The following SLC44A1 variants were observed in gnomAD, a reference collection of about 807,000 sequenced individuals.
SLC44A1 encodes choline transporter-like protein 1.
In SLC44A1, 26 loss-of-function variants were observed where a neutral mutation model predicts 79.3. The observed-to-expected ratio is 0.33, with a 90% confidence interval of 0.24 to 0.46. SLC44A1 has a LOEUF of 0.46. SLC44A1 is among the 20% of genes least tolerant of loss of function. The pLI is 1.00. For missense variants in SLC44A1, 688 were observed against 798.1 expected, an observed-to-expected ratio of 0.86 and a Z score of 1.66; for synonymous variants, 263 against 286.2, an observed-to-expected ratio of 0.92 and a Z score of 0.82.
At position 105,353,627 on chromosome 9, in the gene SLC44A1, T is replaced by C. The variant is rs116566405; in HGVS notation, c.501-2585T>C. ...CAGGCAGGGTGCAAGGTTAGAAGAA[T>C]TGGGGCTTTTATAGTTGCCTAGCAG... On this transcript the variant is annotated intron_variant, in intron 5 of 15. Transcript: ENST00000374720. 1.8e-3 allele frequency among the ~76,000 whole-genome samples: 269 copies of C among 152,174 alleles called. 2 individuals are homozygous for C. Among genetic ancestry groups the C allele is most frequent in the African/African-American group, 6.1e-3 (253 of 41,530 alleles).
chr9:105,301,724 A>G (rs1830885691), intron 2 of SLC44A1, among the ~76,000 whole-genome samples: 1 of 152,180 alleles, frequency 6.6e-6, no homozygotes, highest in African/African-American at 2.4e-5. Context: ...TCCCCTGCTT[A>G]TAGACAAAGT....
At chr9:105,415,896 A>ATTT (rs10592448) in intron 15 of SLC44A1, among the ~76,000 whole-genome samples, 33 of 117,938 alleles carry the variant, frequency 2.8e-4, no homozygotes, top group African/African-American at 4.3e-4. Context: ...GATTGACTGA[A>ATTT]TTTTTTTTTT....
At chr9:105,311,007 G>A (rs961731750) in intron 3 of SLC44A1, among the ~76,000 whole-genome samples, 1 of 152,158 alleles carries the variant, frequency 6.6e-6, no homozygotes, top group Non-Finnish European at 1.5e-5. Flanking sequence ...CTGGTGGGCT[G>A]TAGAATATCC....
chr9:105,338,438 A>C (rs1186020741), intron 4 of SLC44A1, among the ~76,000 whole-genome samples: 1 of 152,074 alleles, frequency 6.6e-6, no homozygotes, highest in Non-Finnish European at 1.5e-5. Context: ...CTTAAGAGAC[A>C]GGCTGAAGTG....
At position 105,351,634 on chromosome 9, in the gene SLC44A1, GAAAGAA is replaced by G. The variant is rs1327824364; in HGVS notation, c.500+3185_500+3190del. The stretch of plus-strand genomic sequence containing the variant: ...AGAAAGAAAGAAAGAGAGAGAAAGA[GAAAGAA>G]AGAAAGAAAGAAAGAAAGAAAGAAA... On this transcript the variant is annotated intron_variant, in intron 5 of 15. Coordinates refer to ENST00000374720, the MANE Select transcript of SLC44A1 (RefSeq NM_080546.5). Among the ~76,000 whole-genome samples, 26 of 133,260 alleles carry G rather than the reference GAAAGAA, an allele frequency of 2.0e-4. 2 individuals carry two copies. The highest frequency in any genetic ancestry group is 4.4e-4 in the Admixed American group (6 of 13,708). 87.4% of individuals were successfully genotyped at this position (133,260 alleles called of 152,430 possible).
intron 15 of SLC44A1, among the ~76,000 whole-genome samples, chr9:105,408,120 C>T (rs1448621173): frequency 2.0e-5 from 3 of 152,124 alleles, no homozygotes; most frequent in Non-Finnish European, 4.4e-5. Context: ...CGCCACTGCA[C>T]TCCAGCCTGG....
intron 9 of SLC44A1, 57 bp from the exon 10 acceptor site, chr9:105,364,498 G>GT (rs1324829652): frequency 5.3e-6 from 8 of 1,504,780 alleles, no homozygotes; most frequent in Non-Finnish European, 6.3e-6. Context: ...CTTAACTGCC[G>GT]TATTTCTGGA....
At chr9:105,409,445 G>A (rs1275139543) in intron 15 of SLC44A1, among the ~76,000 whole-genome samples, 1 of 152,200 alleles carries the variant, frequency 6.6e-6, no homozygotes, top group Non-Finnish European at 1.5e-5. Flanking sequence ...AACACTTTGG[G>A]AGGCCAAAAT....
chr9:105,279,465 A>G (rs1014438056), intron 1 of SLC44A1, among the ~76,000 whole-genome samples: 11 of 151,878 alleles, frequency 7.2e-5, no homozygotes, highest in African/African-American at 2.7e-4. Context: ...CTACAGCTGC[A>G]CACCACCATG....
rs181209067 is a variant in SLC44A1 at position 105,397,109 on chromosome 9, C to G, written c.*8053C>G. 2 of 985,216 alleles carry G rather than the reference C, an allele frequency of 2.0e-6. No individual in the cohort carries two copies. Among genetic ancestry groups the G allele is most frequent in the Non-Finnish European group, 2.4e-6 (2 of 829,914 alleles). 61.0% of individuals were successfully genotyped at this position (985,216 alleles called of 1,614,324 possible). On this transcript the variant is annotated 3_prime_UTR_variant, in exon 16 of 16. Coordinates refer to ENST00000374720, the MANE Select transcript of SLC44A1 (RefSeq NM_080546.5). Reference sequence around the variant, plus strand: ...CAAATCTTGCTGGGAAATTAACTTCCAAGAGCTCTGAATTGGATGGAATTC... The same window carrying G: ...CAAATCTTGCTGGGAAATTAACTTCGAAGAGCTCTGAATTGGATGGAATTC...
At position 105,374,658 on chromosome 9, in the gene SLC44A1, T is replaced by A; in HGVS notation, c.1555T>A (p.Phe519Ile). Reference protein sequence around the residue: ...TNFCTSAKDAFVILVENALRV... With the variant: ...TNFCTSAKDAIVILVENALRV... ...CTTCTGCACCTCAGCAAAGGATGCCTTTGTCATTCTGGTGGAGAATGCTTT... is the reference window on the plus strand; with the variant it reads ...CTTCTGCACCTCAGCAAAGGATGCCATTGTCATTCTGGTGGAGAATGCTTT... The change falls in exon 13 of 16, where the codon TTT becomes ATT. Residue 519 changes from phenylalanine to isoleucine, a missense_variant. Coordinates refer to ENST00000374720, the MANE Select transcript of SLC44A1 (RefSeq NM_080546.5). The A allele has an allele frequency of 6.2e-7, 1 of 1,613,876 alleles. No homozygotes were observed. Among genetic ancestry groups the A allele is most frequent in the South Asian group, 1.1e-5 (1 of 91,068 alleles).
chr9:105,321,295 G>A (rs1171447983), intron 3 of SLC44A1, among the ~76,000 whole-genome samples: 1 of 152,038 alleles, frequency 6.6e-6, no homozygotes, highest in Non-Finnish European at 1.5e-5. Flanking sequence ...CAAAAATACA[G>A]TTATTCCAGA....
At position 105,293,197 on chromosome 9, in the gene SLC44A1, T is replaced by A. The variant is rs16924416; in HGVS notation, c.37-6023T>A. On this transcript the variant is annotated intron_variant, in intron 1 of 15. Coordinates refer to ENST00000374720, the MANE Select transcript of SLC44A1 (RefSeq NM_080546.5). The stretch of plus-strand genomic sequence containing the variant: ...TTTCTGAAAATCAAGCAGCTTCATA[T>A]AATTGACTCTAACCTTTTTATAGCA... Among the ~76,000 whole-genome samples the A allele has an allele frequency of 6.9e-3, 1,056 of 152,340 alleles. 45 individuals are homozygous for A. The East Asian group carries it at 0.11, about 17-fold the overall frequency.
At chr9:105,356,769 A>G (rs1254954714) in intron 6 of SLC44A1, among the ~76,000 whole-genome samples, 1 of 152,188 alleles carries the variant, frequency 6.6e-6, no homozygotes, top group African/African-American at 2.4e-5. Flanking sequence ...CCATTTAAGA[A>G]CACAGATTTC....
At chr9:105,351,586 A>AAGAAAG (rs1827422556) in intron 5 of SLC44A1, among the ~76,000 whole-genome samples, 1 of 107,482 alleles carries the variant, frequency 9.3e-6, no homozygotes, top group African/African-American at 4.1e-5. Flanking sequence ...GAAAGAGAGA[A>AAGAAAG]AGAGAGAAAG....
At chr9:105,325,564 T>C (rs1176732648) in intron 3 of SLC44A1, among the ~76,000 whole-genome samples, 1 of 152,016 alleles carries the variant, frequency 6.6e-6, no homozygotes, top group Non-Finnish European at 1.5e-5. Flanking sequence ...AGGGGTCGAG[T>C]GTGCTGATAT....
At chr9:105,428,126 T>G (rs573316125) in intron 15 of SLC44A1, among the ~76,000 whole-genome samples, 2 of 152,160 alleles carry the variant, frequency 1.3e-5, no homozygotes, top group African/African-American at 4.8e-5. Flanking sequence ...TTACCTATAA[T>G]CTATACGATG....
chr9:105,347,138 C>A (rs77224119), intron 4 of SLC44A1, among the ~76,000 whole-genome samples: 1 of 151,956 alleles, frequency 6.6e-6, no homozygotes, highest in African/African-American at 2.4e-5. Flanking sequence ...TTCTATGTTC[C>A]CTTCCAGTTC....
rs148790526 is a variant in SLC44A1, at chr9:105,310,578, A to G, written c.269+712A>G. On this transcript the variant is annotated intron_variant, in intron 3 of 15. Coordinates refer to ENST00000374720, the MANE Select transcript of SLC44A1 (RefSeq NM_080546.5). ...GTATCTAACTTGTTCTTCAGAATTAACAAAACTAATTTTAAGGTAGTAGGC... is the reference window on the plus strand; with the variant it reads ...GTATCTAACTTGTTCTTCAGAATTAGCAAAACTAATTTTAAGGTAGTAGGC... Among the ~76,000 whole-genome samples, 58 of 152,348 alleles carry G rather than the reference A, an allele frequency of 3.8e-4. 1 individual carries two copies. The highest frequency in any genetic ancestry group is 2.1e-3 in the Admixed American group (32 of 15,300).
Sources: gnomAD v4.1 joint callset for allele counts (sites outside exome capture counted in the v4.1 genomes callset) on GRCh38, gnomAD v4.1.1 for gene constraint, MANE v1.5 for transcripts, NCBI Gene and HGNC (gene_info 2026-07-23, HGNC 2026-07-21) for gene names.